RYR3: variants seen among roughly 807,000 people sequenced by gnomAD.
RYR3 encodes the protein brain ryanodine receptor-calcium release channel.
RYR3 carries 207 observed loss-of-function variants against 584.3 expected under a neutral mutation model. That is an observed-to-expected ratio of 0.35 (90% CI 0.32 to 0.40). The LOEUF (loss-of-function observed/expected upper bound fraction) is 0.40. Among genes scored for constraint, RYR3 ranks in the 10% least tolerant of loss-of-function variants. The pLI, the probability that RYR3 is intolerant of heterozygous loss-of-function variation, is 1.00. For missense variants in RYR3, 5,616 were observed against 6,089.2 expected (o/e 0.92, Z 2.59); for synonymous variants, 2,416 against 2,248.5 (o/e 1.07, Z -2.11).
In RYR3 at chr15:33,550,249, G is replaced by A. The variant is rs1352227154; in HGVS notation, c.905G>A (p.Gly302Asp). The stretch of plus-strand genomic sequence containing the variant: ...TACCTGGCCTTGACAGAAGACCAAG[G>A]CCTTATACTGCAAGACCGGGCAAAG... ...GHYLALTEDQGLILQDRAKSD... is the reference protein window; with the variant it reads ...GHYLALTEDQDLILQDRAKSD... Residue 302 changes from glycine to aspartate, a missense_variant, in exon 10 of 104, where the codon GGC becomes GAC. Gly to Asp is a moderately conservative substitution (Grantham distance 94, BLOSUM62 -1). Around this residue, in one of 9 missense-constraint regions of RYR3, gnomAD observed 1,284 missense variants for 1,344.6 expected, o/e 0.95. Transcript: ENST00000634891. 2 of 1,613,720 alleles carry A rather than the reference G, an allele frequency of 1.2e-6. No homozygotes were observed. Among genetic ancestry groups the A allele is most frequent in the East Asian group, 2.2e-5 (1 of 44,844 alleles).
At chr15:33,394,958 A>G (rs142504566) in intron 1 of RYR3, among the ~76,000 whole-genome samples, 2 of 152,214 alleles carry the variant, frequency 1.3e-5, no homozygotes, top group African/African-American at 4.8e-5. Flanking sequence ...ATGCAAAAAA[A>G]AACACATACT....
chr15:33,664,434 G>A (rs2063355891), intron 36 of RYR3, among the ~76,000 whole-genome samples: 1 of 151,906 alleles, frequency 6.6e-6, no homozygotes, highest in South Asian at 2.1e-4. Flanking sequence ...GCTGCTCAGT[G>A]GCTCACTTAG....
intron 43 of RYR3, among the ~76,000 whole-genome samples, chr15:33,707,442 A>G (rs550578860): frequency 2.0e-5 from 3 of 152,306 alleles, no homozygotes; most frequent in East Asian, 1.9e-4. Flanking sequence ...TGGATGGATG[A>G]ATGAATAAAA....
At chr15:33,439,439 T>G (rs929548267) in intron 1 of RYR3, among the ~76,000 whole-genome samples, 8 of 152,220 alleles carry the variant, frequency 5.3e-5, no homozygotes, top group African/African-American at 1.9e-4. Flanking sequence ...TTCAAATGCT[T>G]TTTAAAAGTA....
intron 57 of RYR3, among the ~76,000 whole-genome samples, chr15:33,752,895 G>A (rs2071456019): frequency 6.6e-6 from 1 of 152,096 alleles, no homozygotes; most frequent in African/African-American, 2.4e-5. Context: ...ATTTGATATT[G>A]GCTGTGGGTT....
At chr15:33,463,418 T>A (rs185208169) in intron 1 of RYR3, among the ~76,000 whole-genome samples, 33 of 152,238 alleles carry the variant, frequency 2.2e-4, no homozygotes, top group African/African-American at 7.9e-4. Context: ...GGGAGAGATG[T>A]ATCCAGAATA....
intron 12 of RYR3, among the ~76,000 whole-genome samples, chr15:33,577,152 T>G (rs753541188): frequency 4.6e-5 from 7 of 152,200 alleles, no homozygotes; most frequent in Non-Finnish European, 7.4e-5. Flanking sequence ...TCCATGCTCA[T>G]GGATAGGAAG....
At chr15:33,680,638 A>G (rs776906726) in intron 38 of RYR3, among the ~76,000 whole-genome samples, 2 of 152,262 alleles carry the variant, frequency 1.3e-5, no homozygotes, top group Non-Finnish European at 2.9e-5. Context: ...AGTGTGACCT[A>G]GAAAATGGAA....
intron 12 of RYR3, among the ~76,000 whole-genome samples, chr15:33,570,163 A>T (rs2057946320): frequency 6.6e-6 from 1 of 152,114 alleles, no homozygotes; most frequent in Non-Finnish European, 1.5e-5. Context: ...CAAAATCATC[A>T]TGATTTTCTC....
At chr15:33,318,065 T>G (rs1173652022) in intron 1 of RYR3, among the ~76,000 whole-genome samples, 3 of 152,210 alleles carry the variant, frequency 2.0e-5, no homozygotes, top group African/African-American at 7.2e-5. Context: ...GAAATTACAC[T>G]CAACATGAGC....
intron 1 of RYR3, among the ~76,000 whole-genome samples, chr15:33,340,344 ATT>A (rs1183631448): frequency 1.3e-5 from 2 of 152,162 alleles, no homozygotes; most frequent in Non-Finnish European, 2.9e-5. Flanking sequence ...CTAGAGTTGC[ATT>A]TGTTTCTTTT....
intron 38 of RYR3, among the ~76,000 whole-genome samples, chr15:33,695,862 C>T (rs12901532): frequency 1.5e-4 from 23 of 151,136 alleles, no homozygotes; most frequent in African/African-American, 4.1e-4. Context: ...GGTGGCTTAC[C>T]GCACCCTCAA....
intron 1 of RYR3, among the ~76,000 whole-genome samples, chr15:33,327,028 C>G (rs11636599): frequency 0.5 from 75,962 of 151,224 alleles, 20,826 homozygotes; most frequent in African/African-American, 0.73. Context: ...ACTCCACTGA[C>G]AGAGAACTGG....
At chr15:33,726,582 A>G in intron 46 of RYR3, 76 bp downstream of exon 46, 1 of 1,449,664 alleles carries the variant, frequency 6.9e-7, no homozygotes, top group Non-Finnish European at 9.1e-7. Flanking sequence ...TGTCCCCAGC[A>G]CAGTGGCCCC....
chr15:33,329,015 T>G (rs759473799), intron 1 of RYR3, among the ~76,000 whole-genome samples: 8 of 152,208 alleles, frequency 5.3e-5, no homozygotes, highest in Non-Finnish European at 1.0e-4. Context: ...GCTGAAGTAC[T>G]CCAGTTAAAG....
chr15:33,523,843 C>CT (rs2054194371), intron 3 of RYR3, among the ~76,000 whole-genome samples: 1 of 152,076 alleles, frequency 6.6e-6, no homozygotes, highest in African/African-American at 2.4e-5. Context: ...CCTGAGGGAG[C>CT]TATGGGGAAG....
At chr15:33,724,972 T>G (rs1005417510) in intron 45 of RYR3, among the ~76,000 whole-genome samples, 2 of 151,568 alleles carry the variant, frequency 1.3e-5, no homozygotes, top group Non-Finnish European at 1.5e-5. Flanking sequence ...TTGGCGGGGG[T>G]GGAGAGGGTC....
At chr15:33,752,831 C>T (rs1439364328) in intron 57 of RYR3, among the ~76,000 whole-genome samples, 2 of 150,280 alleles carry the variant, frequency 1.3e-5, no homozygotes, top group East Asian at 1.9e-4. Flanking sequence ...GAATGCTTCC[C>T]GTTTCTGCCC....
At chr15:33,458,625 A>C (rs533463152) in intron 1 of RYR3, among the ~76,000 whole-genome samples, 14 of 152,294 alleles carry the variant, frequency 9.2e-5, no homozygotes, top group African/African-American at 3.4e-4. Context: ...ATGATTCCCT[A>C]GTTCTGGAGA....
Sources: gnomAD v4.1 joint callset for allele counts (sites outside exome capture counted in the v4.1 genomes callset) on GRCh38, gnomAD v4.1.1 for gene constraint, gnomAD v4.1.1 regional missense constraint, MANE v1.5 for transcripts, NCBI Gene and HGNC (gene_info 2026-07-23, HGNC 2026-07-21) for gene names.